Variants in JPH1 observed in about 807,000 individuals in gnomAD.
JPH1 encodes junctophilin 1.
Under a neutral mutation model 53.6 loss-of-function variants are expected in JPH1, and 12 were observed. That is an observed-to-expected ratio of 0.22 (90% CI 0.14 to 0.36). JPH1 has a LOEUF of 0.36. JPH1 is among the 10% of genes least tolerant of loss of function. JPH1 has a pLI of 1.00. For missense variants in JPH1, 808 were observed against 905.5 expected, an observed-to-expected ratio of 0.89 and a Z score of 1.38; for synonymous variants, 375 against 363.8, an observed-to-expected ratio of 1.03 and a Z score of -0.35.
intron 3 of JPH1, among the ~76,000 whole-genome samples, chr8:74,256,445 T>C (rs1806236743): frequency 6.6e-6 from 1 of 151,172 alleles, no homozygotes; most frequent in Admixed American, 6.6e-5. Context: ...TAATGCTAAA[T>C]GACGAGTTAA....
At chr8:74,264,944 C>A (rs1405037043) in intron 2 of JPH1, among the ~76,000 whole-genome samples, 1 of 152,114 alleles carries the variant, frequency 6.6e-6, no homozygotes. Flanking sequence ...ACATGAACTA[C>A]GGGATCGATT....
chr8:74,279,191 C>T (rs2131417079), intron 2 of JPH1, among the ~76,000 whole-genome samples: 1 of 152,314 alleles, frequency 6.6e-6, no homozygotes, highest in Non-Finnish European at 1.5e-5. Context: ...CCTTGAGAAA[C>T]AAAGACCTGG....
At chr8:74,297,785 C>T (rs2131442199) in intron 2 of JPH1, among the ~76,000 whole-genome samples, 1 of 152,274 alleles carries the variant, frequency 6.6e-6, no homozygotes, top group Non-Finnish European at 1.5e-5. Flanking sequence ...TAGTCAGAGT[C>T]AACATGAAGA....
intron 2 of JPH1, among the ~76,000 whole-genome samples, chr8:74,283,827 T>G (rs1807083076): frequency 6.6e-6 from 1 of 152,166 alleles, no homozygotes; most frequent in Non-Finnish European, 1.5e-5. Flanking sequence ...TTGGATTTAG[T>G]CCCATAAAAA....
At chr8:74,245,896 T>C (rs1805847417) in intron 3 of JPH1, among the ~76,000 whole-genome samples, 2 of 145,190 alleles carry the variant, frequency 1.4e-5, no homozygotes. Flanking sequence ...GCTATTCTTC[T>C]GACAGAGGAG....
At chr8:74,252,194 T>C (rs1317963218) in intron 3 of JPH1, among the ~76,000 whole-genome samples, 2 of 152,160 alleles carry the variant, frequency 1.3e-5, no homozygotes, top group Non-Finnish European at 2.9e-5. Context: ...AAGACTTACA[T>C]GTTAGACCTA....
rs868658114 is a variant in JPH1 at position 74,245,047 on chromosome 8, G to A, written c.1387C>T (p.Pro463Ser). Residue 463 changes from proline (P) to serine (S), a missense_variant, in exon 4 of 6, where the codon CCA becomes TCA. Pro to Ser is a moderately conservative substitution (Grantham distance 74). Around this residue, in one of 2 missense-constraint regions of JPH1, gnomAD observed 756 missense variants for 811.9 expected, o/e 0.93. Coordinates refer to ENST00000342232, the MANE Select transcript of JPH1 (RefSeq NM_020647.4). ...PHFYRKGTTPPRSPEASPKHS... is the reference protein window; with the variant it reads ...PHFYRKGTTPSRSPEASPKHS... ...TTGGGACTTGCCTCAGGAGATCTTG[G>A]GGGTGTCGTGCCTTTGCGATAAAAA... 7 of 1,613,812 alleles carry A rather than the reference G, an allele frequency of 4.3e-6. No homozygotes were observed. The Middle Eastern group carries it at 9.9e-4, about 227-fold the overall frequency.
intron 2 of JPH1, among the ~76,000 whole-genome samples, chr8:74,297,382 C>A (rs1479055342): frequency 6.6e-6 from 1 of 152,142 alleles, no homozygotes; most frequent in Non-Finnish European, 1.5e-5. Flanking sequence ...GTGACAAGTT[C>A]CAGCAGGGAC....
intron 2 of JPH1, among the ~76,000 whole-genome samples, chr8:74,290,761 T>C (rs1807301463): frequency 6.6e-6 from 1 of 152,206 alleles, no homozygotes; most frequent in South Asian, 2.1e-4. Context: ...CAAAACAGCA[T>C]GGTACTGGTA....
Position 74,236,173 on chromosome 8 carries a change from T to C in JPH1, c.*878A>G, listed in dbSNP as rs924424475. ...AATGTTAAAAATATTTAGAATTAAA[T>C]TAGTTCTTAGGAAGGCATAGTGTCT... On this transcript the variant is annotated 3_prime_UTR_variant, in exon 6 of 6. Coordinates refer to ENST00000342232, the MANE Select transcript of JPH1 (RefSeq NM_020647.4). 3 of 152,220 alleles carry C rather than the reference T, an allele frequency of 2.0e-5. No homozygotes were observed. Among genetic ancestry groups the C allele is most frequent in the Admixed American group, 2.0e-4 (3 of 15,288 alleles). The allele number at this position is 152,220 out of a possible 1,614,324, so 9.4% of individuals were successfully genotyped here.
intron 4 of JPH1, among the ~76,000 whole-genome samples, chr8:74,239,632 G>C (rs969729277): frequency 1.3e-5 from 2 of 152,158 alleles, no homozygotes; most frequent in Non-Finnish European, 2.9e-5. Flanking sequence ...ACTGAGCACA[G>C]AGATTAAGGA....
chr8:74,291,065 G>T (rs1807311740), intron 2 of JPH1, among the ~76,000 whole-genome samples: 2 of 152,238 alleles, frequency 1.3e-5, no homozygotes, highest in Non-Finnish European at 2.9e-5. Context: ...CAGGACATAG[G>T]CATGGGCAAG....
intron 3 of JPH1, among the ~76,000 whole-genome samples, chr8:74,246,379 T>G (rs1397975701): frequency 6.6e-6 from 1 of 152,132 alleles, no homozygotes; most frequent in Non-Finnish European, 1.5e-5. Flanking sequence ...ACTAAAAGAT[T>G]TACAGAGGGA....
chr8:74,258,309 C>T (rs1474012908), intron 3 of JPH1, among the ~76,000 whole-genome samples: 1 of 152,096 alleles, frequency 6.6e-6, no homozygotes, highest in African/African-American at 2.4e-5. Context: ...CTGTTGATGC[C>T]TCAAACAATC....
chr8:74,317,218 A>G (rs545999101), intron 1 of JPH1, among the ~76,000 whole-genome samples: 2 of 152,372 alleles, frequency 1.3e-5, no homozygotes, highest in Middle Eastern at 6.8e-3. Flanking sequence ...GGTTTTGACC[A>G]ATTTCAAGAC....
intron 2 of JPH1, among the ~76,000 whole-genome samples, chr8:74,311,855 A>AT (rs912871191): frequency 6.6e-6 from 1 of 152,038 alleles, no homozygotes; most frequent in African/African-American, 2.4e-5. Context: ...TGAACTCATC[A>AT]TTTTTTATGG....
rs1398638723 is a variant in JPH1 at position 74,254,903 on chromosome 8, A to G, written c.1258+4482T>C. On this transcript the variant is annotated intron_variant, in intron 3 of 5. Coordinates refer to ENST00000342232, the MANE Select transcript of JPH1 (RefSeq NM_020647.4). ...CTCAATGAAATAAAAGAGGACACAA[A>G]CAAATGGGAGAACATTCCATGCTCA... 3.3e-5 allele frequency among the ~76,000 whole-genome samples: 5 copies of G among 152,192 alleles called. No individual in the cohort carries two copies. In the East Asian group the frequency reaches 9.6e-4, roughly 29 times the overall value.
intron 2 of JPH1, among the ~76,000 whole-genome samples, chr8:74,262,654 A>C (rs1806425448): frequency 6.6e-6 from 1 of 152,266 alleles, no homozygotes; most frequent in Non-Finnish European, 1.5e-5. Context: ...CGACTTCTTT[A>C]AATTAAGCAT....
At position 74,244,916 on chromosome 8, in the gene JPH1, C is replaced by A; in HGVS notation, c.1518G>T (p.Val506=). 2 of 1,614,182 alleles carry A rather than the reference C, an allele frequency of 1.2e-6. No homozygotes were observed. Among genetic ancestry groups the A allele is most frequent in the Non-Finnish European group, 1.7e-6 (2 of 1,180,048 alleles). ...QDKRSVADEQ[V]TAIVNKPLMS... is the part of the protein sequence containing the mutation. ...TCAAGGGCTTATTGACAATGGCCGTCACCTGCTCATCAGCCACACTCCTTT... is the reference window on the plus strand; with the variant it reads ...TCAAGGGCTTATTGACAATGGCCGTAACCTGCTCATCAGCCACACTCCTTT... The change falls in exon 4 of 6, where the codon GTG becomes GTT. Residue 506 remains valine (V), a synonymous_variant. Transcript: ENST00000342232.
Sources: gnomAD v4.1 joint callset for allele counts (sites outside exome capture counted in the v4.1 genomes callset) on GRCh38, gnomAD v4.1.1 for gene constraint, gnomAD v4.1.1 regional missense constraint, MANE v1.5 for transcripts, NCBI Gene and HGNC (gene_info 2026-07-23, HGNC 2026-07-21) for gene names.